The following CCDC171 variants were observed in gnomAD, a reference collection of about 807,000 sequenced individuals.
CCDC171 encodes coiled-coil domain-containing protein 171.
A neutral mutation model predicts 168.2 loss-of-function variants in CCDC171; 177 were observed. That is an observed-to-expected ratio of 1.05 (90% CI 0.93 to 1.19). CCDC171 has a LOEUF of 1.19. CCDC171 is among the 50% of genes most tolerant of loss of function. The pLI is 0.00. For synonymous variants in CCDC171, 687 were observed against 540.8 expected (o/e 1.27, Z -3.75); for missense variants, 1,991 against 1,539.0 (o/e 1.29, Z -4.91).
At chr9:16,097,299 A>G in the CCDC171 span, among the ~76,000 whole-genome samples, 6 of 152,172 alleles carry the variant, frequency 3.9e-5, no homozygotes, top group African/African-American at 1.4e-4. Context: ...CTGTATTAAG[A>G]CACAATCTAA....
At chr9:15,995,373 A>T (rs1378557311) in intron 3 of CCDC171, among the ~76,000 whole-genome samples, 6 of 152,216 alleles carry the variant, frequency 3.9e-5, no homozygotes, top group African/African-American at 1.4e-4. Context: ...CAGTTGTGAA[A>T]GATGTCCCTG....
chr9:15,995,981 C>G (rs1832357761), intron 3 of CCDC171, among the ~76,000 whole-genome samples: 1 of 152,096 alleles, frequency 6.6e-6, no homozygotes, highest in African/African-American at 2.4e-5. Flanking sequence ...AGCATAAAAC[C>G]CCAGTAGTTT....
chr9:15,906,494 A>C (rs1257423921), intron 24 of CCDC171, among the ~76,000 whole-genome samples: 1 of 152,212 alleles, frequency 6.6e-6, no homozygotes, highest in East Asian at 1.9e-4. Context: ...AAAAACTCTC[A>C]ATAAGTTAGG....
chr9:15,818,084 G>C lies in CCDC171; in HGVS notation c.3268-28618G>C, dbSNP rs143836618. On this transcript the variant is annotated intron_variant, in intron 21 of 25. Coordinates refer to ENST00000380701, the MANE Select transcript of CCDC171 (RefSeq NM_173550.4). The stretch of plus-strand genomic sequence containing the variant: ...CCACTGCTGATACCCAGGCAAACAG[G>C]GTCTGGAGTGGACCTCCAGTAAACC... Among the ~76,000 whole-genome samples the C allele has an allele frequency of 3.2e-4, 38 of 117,488 alleles. 12 individuals are homozygous for C. The highest frequency in any genetic ancestry group is 1.1e-3 in the African/African-American group (34 of 31,300). The allele number at this position is 117,488 out of a possible 152,430, so 77.1% of individuals were successfully genotyped here.
At chr9:15,998,689 C>T (rs1832442914) in intron 3 of CCDC171, among the ~76,000 whole-genome samples, 1 of 152,280 alleles carries the variant, frequency 6.6e-6, no homozygotes, top group Admixed American at 6.5e-5. Context: ...GTTCACCCTG[C>T]TACCCAGGAT....
At chr9:15,838,914 T>C (rs2060561853) in intron 21 of CCDC171, among the ~76,000 whole-genome samples, 1 of 152,168 alleles carries the variant, frequency 6.6e-6, no homozygotes, top group South Asian at 2.1e-4. Flanking sequence ...AAAAAGGTGA[T>C]ACTATGCTAG....
chr9:15,935,686 A>G (rs1370044569), intron 25 of CCDC171, among the ~76,000 whole-genome samples: 1 of 152,086 alleles, frequency 6.6e-6, no homozygotes, highest in African/African-American at 2.4e-5. Context: ...TAATAAAAAA[A>G]TGTATTAGCG....
intron 18 of CCDC171, among the ~76,000 whole-genome samples, chr9:15,755,076 C>G (rs1588314979): frequency 6.6e-6 from 1 of 152,098 alleles, no homozygotes; most frequent in East Asian, 1.9e-4. Flanking sequence ...AGAGGTTTGC[C>G]TTCTTTGTAA....
chr9:15,726,142 G>A, intron 14 of CCDC171, among the ~76,000 whole-genome samples: 1 of 152,128 alleles, frequency 6.6e-6, no homozygotes, highest in East Asian at 1.9e-4. Context: ...TTACAGTCTG[G>A]GATTTAAATT....
At chr9:15,685,560 G>A (rs1441502538) in intron 10 of CCDC171, among the ~76,000 whole-genome samples, 1 of 152,064 alleles carries the variant, frequency 6.6e-6, no homozygotes, top group African/African-American at 2.4e-5. Context: ...ACTTGAGTCT[G>A]GGAGGTTGAG....
chr9:15,767,438 G>A (rs2056782184), intron 18 of CCDC171, among the ~76,000 whole-genome samples: 1 of 151,978 alleles, frequency 6.6e-6, no homozygotes, highest in African/African-American at 2.4e-5. Flanking sequence ...CATTATGTTG[G>A]GTCTACTTGA....
In CCDC171 at chr9:15,626,130, G is replaced by A. The variant is rs138151532; in HGVS notation, c.822+2717G>A. Among the ~76,000 whole-genome samples the A allele has an allele frequency of 2.0e-5, 3 of 152,270 alleles. No individual in the cohort carries two copies. In the East Asian group the frequency reaches 5.8e-4, roughly 29 times the overall value. Reference sequence around the variant, plus strand: ...ATATGGCTGTTTGTCTCATATTGGTGTATAAGAATGCTTGTGATTTTTGCA... The same window carrying A: ...ATATGGCTGTTTGTCTCATATTGGTATATAAGAATGCTTGTGATTTTTGCA... On this transcript the variant is annotated intron_variant, in intron 7 of 25. Coordinates refer to ENST00000380701, the MANE Select transcript of CCDC171 (RefSeq NM_173550.4).
At chr9:15,782,413 A>T (rs1048721292) in intron 20 of CCDC171, among the ~76,000 whole-genome samples, 3 of 152,190 alleles carry the variant, frequency 2.0e-5, no homozygotes, top group African/African-American at 7.2e-5. Flanking sequence ...TTACAGAGGA[A>T]TAAACAGAAT....
At chr9:15,639,843 A>G (rs964290288) in intron 7 of CCDC171, among the ~76,000 whole-genome samples, 3 of 152,206 alleles carry the variant, frequency 2.0e-5, no homozygotes, top group African/African-American at 7.2e-5. Context: ...TGTTTTGGCC[A>G]TTAATAAAAC....
chr9:15,703,878 A>G (rs1224389443), intron 11 of CCDC171, among the ~76,000 whole-genome samples: 3 of 152,210 alleles, frequency 2.0e-5, no homozygotes, highest in Non-Finnish European at 4.4e-5. Context: ...TTCTATGGGC[A>G]TGGTTTGTGG....
chr9:15,929,071 A>G (rs903862261), intron 25 of CCDC171, among the ~76,000 whole-genome samples: 2 of 151,232 alleles, frequency 1.3e-5, no homozygotes, highest in Non-Finnish European at 3.0e-5. Context: ...AACATATTAG[A>G]TATATATTAT....
intron 7 of CCDC171, among the ~76,000 whole-genome samples, chr9:15,648,537 A>T (rs936589547): frequency 1.3e-5 from 2 of 152,236 alleles, no homozygotes; most frequent in Non-Finnish European, 1.5e-5. Context: ...GCTGATAAGC[A>T]ATTTCAGCAA....
chr9:15,692,993 C>T (rs1355296485), intron 10 of CCDC171, among the ~76,000 whole-genome samples: 1 of 151,942 alleles, frequency 6.6e-6, no homozygotes, highest in African/African-American at 2.4e-5. Context: ...AAAAATTAGT[C>T]GGGTGTGGTC....
the CCDC171 span, among the ~76,000 whole-genome samples, chr9:16,107,698 C>T: frequency 2.0e-4 from 31 of 152,200 alleles, no homozygotes; most frequent in African/African-American, 7.5e-4. Flanking sequence ...CTCTTAACCC[C>T]TAAATATTTT....
Sources: gnomAD v4.1 joint callset for allele counts (sites outside exome capture counted in the v4.1 genomes callset) on GRCh38, gnomAD v4.1.1 for gene constraint, MANE v1.5 for transcripts, NCBI Gene and HGNC (gene_info 2026-07-23, HGNC 2026-07-21) for gene names.